The following MS4A4E variants were observed in gnomAD, a reference collection of about 807,000 sequenced individuals.
MS4A4E encodes putative membrane-spanning 4-domains subfamily A member 4E.
A neutral mutation model predicts 13.3 loss-of-function variants in MS4A4E; 23 were observed. The observed-to-expected ratio is 1.73, with a 90% confidence interval of 1.25 to 2.45. MS4A4E has a LOEUF of 2.45. Among genes scored for constraint, MS4A4E ranks in the 30% most tolerant of loss-of-function variants. The pLI is 0.00. For synonymous variants in MS4A4E, 36 were observed against 45.6 expected (o/e 0.79, Z 0.85); for missense variants, 144 against 131.2 (o/e 1.10, Z -0.48).
chr11:60,200,914 G>A lies in MS4A4E; in HGVS notation c.*629C>T, dbSNP rs1418628691. On this transcript the variant is annotated 3_prime_UTR_variant, in exon 9 of 9. Transcript: ENST00000651255. ...TCCCGGACGGGGCGGCTGGCCGGGC[G>A]GGGGGCTGACCCCTCCACCTCCCTC... Among the ~76,000 whole-genome samples, 36 of 146,512 alleles carry A rather than the reference G, an allele frequency of 2.5e-4. No homozygotes were observed. Among genetic ancestry groups the A allele is most frequent in the African/African-American group, 8.7e-4 (34 of 39,020 alleles).
At chr11:60,232,088 C>T (rs1350209688) in intron 1 of MS4A4E, among the ~76,000 whole-genome samples, 1 of 151,574 alleles carries the variant, frequency 6.6e-6, no homozygotes, top group African/African-American at 2.4e-5. Flanking sequence ...CAAGGAATAG[C>T]TGAAAATAGA....
intron 1 of MS4A4E, among the ~76,000 whole-genome samples, chr11:60,241,322 C>A (rs1427040765): frequency 6.6e-6 from 1 of 152,184 alleles, no homozygotes; most frequent in Non-Finnish European, 1.5e-5. Context: ...CCGCACCCGG[C>A]CTATTCTTTA....
At chr11:60,210,515 C>T (rs2084107336) in intron 5 of MS4A4E, among the ~76,000 whole-genome samples, 1 of 152,208 alleles carries the variant, frequency 6.6e-6, no homozygotes, top group Non-Finnish European at 1.5e-5. Context: ...TATAGTTGAT[C>T]ATTGGCAATT....
chr11:60,204,114 A>C (rs1381139006), intron 8 of MS4A4E, among the ~76,000 whole-genome samples: 5 of 152,214 alleles, frequency 3.3e-5, no homozygotes, highest in Non-Finnish European at 7.3e-5. Flanking sequence ...TCTCAAGGCA[A>C]TATATCAGGA....
intron 3 of MS4A4E, among the ~76,000 whole-genome samples, chr11:60,220,373 AT>A (rs1250431613): frequency 3.3e-5 from 5 of 152,194 alleles, no homozygotes; most frequent in Admixed American, 3.3e-4. Context: ...GATTTGGTAA[AT>A]GCCTTTTTCT....
At chr11:60,233,344 C>T (rs983886148) in intron 1 of MS4A4E, among the ~76,000 whole-genome samples, 10 of 152,202 alleles carry the variant, frequency 6.6e-5, no homozygotes, top group Non-Finnish European at 1.5e-4. Flanking sequence ...GCTCAAGCCT[C>T]CAAAGCACCC....
intron 4 of MS4A4E, among the ~76,000 whole-genome samples, chr11:60,213,532 T>G (rs905391122): frequency 6.6e-6 from 1 of 152,204 alleles, no homozygotes; most frequent in Non-Finnish European, 1.5e-5. Context: ...TGTATTCCTT[T>G]TTGTACTTTC....
At chr11:60,241,161 C>A (rs969818159) in intron 1 of MS4A4E, among the ~76,000 whole-genome samples, 2 of 152,108 alleles carry the variant, frequency 1.3e-5, no homozygotes, top group Non-Finnish European at 2.9e-5. Context: ...GTAGCTGGGG[C>A]TACCGGCGCC....
At chr11:60,220,494 G>A (rs1470740352) in intron 3 of MS4A4E, among the ~76,000 whole-genome samples, 1 of 152,130 alleles carries the variant, frequency 6.6e-6, no homozygotes, top group African/African-American at 2.4e-5. Context: ...CTCTGGCTTT[G>A]TGTCATGACC....
intron 1 of MS4A4E, among the ~76,000 whole-genome samples, chr11:60,232,378 A>G (rs1342288841): frequency 1.3e-5 from 2 of 151,908 alleles, no homozygotes; most frequent in Non-Finnish European, 2.9e-5. Context: ...GAGCTCCAGA[A>G]AACAGCAAAG....
intron 3 of MS4A4E, 31 bp downstream of exon 3, chr11:60,228,563 T>C (rs2134959877): frequency 1.5e-6 from 1 of 655,846 alleles, no homozygotes; most frequent in Admixed American, 2.3e-5. Context: ...CTAAACATAC[T>C]CTTACAATAC....
At chr11:60,242,015 C>T (rs1434312047) in intron 1 of MS4A4E, among the ~76,000 whole-genome samples, 1 of 152,160 alleles carries the variant, frequency 6.6e-6, no homozygotes, top group African/African-American at 2.4e-5. Context: ...GGTCACAACA[C>T]AAGAGAGCAT....
intron 1 of MS4A4E, among the ~76,000 whole-genome samples, chr11:60,237,716 T>C (rs1033061497): frequency 6.6e-6 from 1 of 152,226 alleles, no homozygotes; most frequent in Admixed American, 6.5e-5. Context: ...ATGTTGAGTA[T>C]TTTTTCATAT....
intron 3 of MS4A4E, among the ~76,000 whole-genome samples, chr11:60,217,170 T>C (rs2084206499): frequency 6.6e-6 from 1 of 152,178 alleles, no homozygotes; most frequent in African/African-American, 2.4e-5. Flanking sequence ...CTTCTAAGAT[T>C]GCCCTGAGTG....
At chr11:60,210,327 C>T (rs187001113) in intron 5 of MS4A4E, among the ~76,000 whole-genome samples, 58 of 152,046 alleles carry the variant, frequency 3.8e-4, no homozygotes, top group African/African-American at 1.3e-3. Flanking sequence ...TATGGAGGTC[C>T]CCTGCTATAA....
rs866360061 is a variant in MS4A4E, at chr11:60,201,157, T to C, written c.*386A>G. The C allele has an allele frequency of 0.021, 1,855 of 90,360 alleles. 49 individuals carry two copies. The highest frequency in any genetic ancestry group is 0.072 in the African/African-American group (1,743 of 24,138). The allele number at this position is 90,360 out of a possible 1,614,324, so 5.6% of individuals were successfully genotyped here. On this transcript the variant is annotated 3_prime_UTR_variant, in exon 9 of 9. Transcript: ENST00000651255. ...CTCCCGGACGGAGCGGCTGGCCGGG[T>C]AGAGGGGCTCCTCACTTCCCAGTAG...
Position 60,200,694 on chromosome 11 carries a change from C to G in MS4A4E, c.*849G>C, listed in dbSNP as rs1031010993. 1.3e-5 allele frequency among the ~76,000 whole-genome samples: 2 copies of G among 152,256 alleles called. No individual in the cohort carries two copies. The highest frequency in any genetic ancestry group is 2.9e-5 in the Non-Finnish European group (2 of 68,046). ...AAAAGTCTCCCATGTCTACTTCTTT[C>G]CACACAGACAAGGCAACCATCCGAT... is the stretch of plus-strand genomic sequence containing the variant. On this transcript the variant is annotated 3_prime_UTR_variant, in exon 9 of 9. Coordinates refer to ENST00000651255, the MANE Select transcript of MS4A4E (RefSeq NM_001393391.1).
At chr11:60,225,222 G>T in intron 3 of MS4A4E, 1 of 874,304 alleles carries the variant, frequency 1.1e-6, no homozygotes, top group Non-Finnish European at 1.6e-6. Flanking sequence ...ATATTCTGTT[G>T]TCACTCTTTT....
intron 1 of MS4A4E, among the ~76,000 whole-genome samples, chr11:60,240,593 C>T (rs921748615): frequency 1.3e-5 from 2 of 152,204 alleles, no homozygotes; most frequent in African/African-American, 4.8e-5. Context: ...TATCTATTAT[C>T]GTAGCCTTAC....
Sources: gnomAD v4.1 joint callset for allele counts (sites outside exome capture counted in the v4.1 genomes callset) on GRCh38, gnomAD v4.1.1 for gene constraint, MANE v1.5 for transcripts, NCBI Gene and HGNC (gene_info 2026-07-23, HGNC 2026-07-21) for gene names.